The following LAMA1 variants were observed in gnomAD, a reference collection of about 807,000 sequenced individuals.
The protein encoded by LAMA1 is laminin subunit alpha 1, also known as laminin subunit alpha-1.
In LAMA1, 219 loss-of-function variants were observed where a neutral mutation model predicts 348.7. The observed-to-expected ratio is 0.63, with a 90% CI of 0.56 to 0.70. The LOEUF (loss-of-function observed/expected upper bound fraction) is 0.70, where lower values mean the gene tolerates loss of function less well. Ranked by LOEUF, LAMA1 falls within the 30% of genes least tolerant of loss-of-function variation. The probability of loss-of-function intolerance (pLI) is 0.00; values close to 1 mark genes in which losing one functional copy is unlikely to be tolerated. For missense variants in LAMA1, 3,744 were observed against 3,888.0 expected (o/e 0.96, Z 0.99); for synonymous variants, 1,487 against 1,491.0 (o/e 1.00, Z 0.06).
chr18:7,006,860 T>C (rs2057834348), intron 29 of LAMA1, among the ~76,000 whole-genome samples: 1 of 152,212 alleles, frequency 6.6e-6, no homozygotes, highest in African/African-American at 2.4e-5. Context: ...TGTGATCTGT[T>C]GTTGATGAAA....
rs2143999657 is a variant in LAMA1 at position 6,958,536 on chromosome 18, T to C, written c.7905A>G (p.Ser2635=). ...GGAACGATCTTCTCATTGTGAGCAG[T>C]GACGTCCCCTCTCCCTCTGGAATTC... ...VGGIPEGEGT[S]LLTMRRSFHG... is the part of the protein sequence containing the mutation. The change falls in exon 55 of 63, where the codon TCA becomes TCG. Residue 2635 remains serine, a synonymous_variant. Coordinates refer to ENST00000389658, the MANE Select transcript of LAMA1 (RefSeq NM_005559.4). 6.2e-7 allele frequency: 1 copy of C among 1,614,200 alleles called. No individual in the cohort carries two copies. Among genetic ancestry groups the C allele is most frequent in the Non-Finnish European group, 8.5e-7 (1 of 1,180,036 alleles).
At chr18:6,966,782 C>T (rs544952786) in intron 48 of LAMA1, among the ~76,000 whole-genome samples, 1 of 152,322 alleles carries the variant, frequency 6.6e-6, no homozygotes, top group East Asian at 1.9e-4. Flanking sequence ...TCATCACTGA[C>T]ATCCTCAAAA....
At chr18:7,015,576 G>C (rs2057883307) in intron 22 of LAMA1, 146 bp downstream of exon 22, 1 of 986,308 alleles carries the variant, frequency 1.0e-6, no homozygotes, top group South Asian at 1.5e-5. Flanking sequence ...CACTGTGCCT[G>C]GCCCACATTG....
chr18:7,113,134 T>C (rs1254758099), intron 1 of LAMA1, among the ~76,000 whole-genome samples: 1 of 152,048 alleles, frequency 6.6e-6, no homozygotes, highest in Non-Finnish European at 1.5e-5. Flanking sequence ...GGCAAGACAA[T>C]AGCATTGAGC....
Position 7,050,772 on chromosome 18 carries a change from C to A in LAMA1, c.510G>T (p.Gly170=), listed in dbSNP as rs151175087. 2.5e-6 allele frequency: 4 copies of A among 1,613,976 alleles called. No individual in the cohort carries two copies. In the African/African-American group the frequency reaches 5.3e-5, roughly 22 times the overall value. The change falls in exon 4 of 63, where the codon GGG becomes GGT. Residue 170 remains glycine, a synonymous_variant. Transcript: ENST00000389658. ...LSRYNITPRR[G]PPTYRADDEV... is the part of the protein sequence containing the mutation. Reference sequence around the variant, plus strand: ...CATCATCAGCCCTGTAGGTGGGTGGCCCTCGTCTTGGAGTTATATTGTAAC... The same window carrying A: ...CATCATCAGCCCTGTAGGTGGGTGGACCTCGTCTTGGAGTTATATTGTAAC...
In LAMA1 at chr18:7,011,406, AC is replaced by A; in HGVS notation, c.3580del (p.Val1194PhefsTer44). 10 of 1,609,818 alleles carry A rather than the reference AC, an allele frequency of 6.2e-6. No individual in the cohort carries two copies. Among genetic ancestry groups the A allele is most frequent in the Non-Finnish European group, 8.5e-6 (10 of 1,178,374 alleles). On this transcript the variant is annotated frameshift_variant, in exon 25 of 63. Transcript: ENST00000389658. LOFTEE classifies it high-confidence loss of function. Reference protein sequence around the residue: ...QSNLRGTTEGVYYQAPDFLLD... With the variant: ...QSNLRGTTEGXYYQAPDFLLD... ...CAGGAAGTCGGGGGCCTGGTAGTAA[AC>A]CCCCTCGGTCGTGCCCCTCAAGTTA... is the stretch of plus-strand genomic sequence containing the variant.
chr18:7,023,773 C>T (rs529841669), intron 18 of LAMA1, among the ~76,000 whole-genome samples: 3 of 152,140 alleles, frequency 2.0e-5, no homozygotes, highest in Non-Finnish European at 4.4e-5. Context: ...CAGAACAGCC[C>T]GGAGCAATGG....
At chr18:7,056,316 A>G (rs1055082370) in intron 3 of LAMA1, among the ~76,000 whole-genome samples, 1 of 152,162 alleles carries the variant, frequency 6.6e-6, no homozygotes, top group Non-Finnish European at 1.5e-5. Flanking sequence ...GGGGAGGGAG[A>G]GAAGGCAAGG....
intron 3 of LAMA1, among the ~76,000 whole-genome samples, chr18:7,078,458 A>C (rs927951549): frequency 6.6e-6 from 1 of 151,598 alleles, no homozygotes; most frequent in African/African-American, 2.4e-5. Flanking sequence ...GAGCCACCGC[A>C]CCTGGCTCTT....
rs771427704 is a variant in LAMA1, at chr18:6,965,276, C to G, written c.7195+12G>C. ...GGTGACCGACATCTGGTGAGTCCAT[C>G]TGTGTCCCTACCTTGCTTCCGGTTT... is the stretch of plus-strand genomic sequence containing the variant. On this transcript the variant is annotated intron_variant, in intron 50 of 62. Transcript: ENST00000389658. 1.2e-6 allele frequency: 2 copies of G among 1,614,178 alleles called. No homozygotes were observed. The highest frequency in any genetic ancestry group is 1.7e-6 in the Non-Finnish European group (2 of 1,180,004).
At chr18:6,963,705 A>C (rs2057619371) in intron 51 of LAMA1, among the ~76,000 whole-genome samples, 1 of 152,040 alleles carries the variant, frequency 6.6e-6, no homozygotes, top group African/African-American at 2.4e-5. Context: ...TAATGACCCC[A>C]CTCCCTGCAA....
intron 44 of LAMA1, 74 bp from the exon 45 acceptor site, chr18:6,976,154 C>T: frequency 6.8e-7 from 1 of 1,464,034 alleles, no homozygotes; most frequent in Non-Finnish European, 9.6e-7. Flanking sequence ...CTCAACAATG[C>T]TATTCTGTAA....
At chr18:7,050,984 A>G in intron 3 of LAMA1, 48 bp from the exon 4 acceptor site, 4 of 1,608,566 alleles carry the variant, frequency 2.5e-6, no homozygotes, top group Non-Finnish European at 3.4e-6. Context: ...AATACAAGCC[A>G]GGCACAGAAT....
In LAMA1 at chr18:7,050,716, A is replaced by T. The variant is rs2144202190; in HGVS notation, c.566T>A (p.Leu189Ter). The T allele has an allele frequency of 6.2e-7, 1 of 1,614,028 alleles. No individual in the cohort carries two copies. The highest frequency in any genetic ancestry group is 1.1e-5 in the South Asian group (1 of 91,072). Residue 189 changes from leucine to a stop codon, truncating the protein, a stop_gained, in exon 4 of 63, where the codon TTG (leucine) becomes TAG (stop). Transcript: ENST00000389658. LOFTEE classifies it high-confidence loss of function. Reference sequence around the variant, plus strand: ...TACCTCTCCATGCTCAAGTGGCACCAATCTGGAATAATAGGAGGTGCAGAT... The same window carrying T: ...TACCTCTCCATGCTCAAGTGGCACCTATCTGGAATAATAGGAGGTGCAGAT... ...EVICTSYYSR[L>*]VPLEHGEIHT... is the part of the protein sequence containing the mutation.
At chr18:6,974,061 G>C (rs2057670498) in intron 46 of LAMA1, among the ~76,000 whole-genome samples, 1 of 152,116 alleles carries the variant, frequency 6.6e-6, no homozygotes, top group African/African-American at 2.4e-5. Context: ...GGGATTACAG[G>C]AGTGAGCCAC....
At chr18:7,084,053 A>G (rs1181641398) in intron 1 of LAMA1, among the ~76,000 whole-genome samples, 1 of 137,456 alleles carries the variant, frequency 7.3e-6, no homozygotes, top group African/African-American at 2.8e-5. Context: ...AGCCTGGGCA[A>G]CAGAGTGAGA....
chr18:6,945,455 C>T (rs1026120385), intron 61 of LAMA1, among the ~76,000 whole-genome samples: 2 of 152,154 alleles, frequency 1.3e-5, no homozygotes, highest in African/African-American at 4.8e-5. Context: ...ATACCAGAAA[C>T]AACCGGTAAG....
rs58813825 is a variant in LAMA1 at position 7,115,814 on chromosome 18, C to CAAAACAAAAAAAAA, written c.61+1845_61+1846insTTTTTTTTTGTTTT. 7.0e-4 allele frequency among the ~76,000 whole-genome samples: 66 copies of CAAAACAAAAAAAAA among 94,778 alleles called. 2 individuals are homozygous for CAAAACAAAAAAAAA. The highest frequency in any genetic ancestry group is 8.2e-4 in the Non-Finnish European group (38 of 46,574). The allele number at this position is 94,778 out of a possible 152,430, so 62.2% of individuals were successfully genotyped here. On this transcript the variant is annotated intron_variant, in intron 1 of 62. Coordinates refer to ENST00000389658, the MANE Select transcript of LAMA1 (RefSeq NM_005559.4). ...TGAAACCCTGTCTCCACTAAAAATACAAAAAAAAAAAAAAAAAAATAGCCG... is the reference window on the plus strand; with the variant it reads ...TGAAACCCTGTCTCCACTAAAAATACAAAACAAAAAAAAAAAAAAAAAAAAAAAAAAAATAGCCG...
chr18:7,098,004 C>T (rs1346042495), intron 1 of LAMA1, among the ~76,000 whole-genome samples: 9 of 149,424 alleles, frequency 6.0e-5, no homozygotes, highest in African/African-American at 1.7e-4. Context: ...CGATTGCAGG[C>T]TCGCGCCGCC....
Sources: allele counts gnomAD v4.1 joint callset (sites outside exome capture counted in the v4.1 genomes callset), GRCh38; gene constraint gnomAD v4.1.1; transcripts MANE v1.5; gene names NCBI Gene and HGNC (gene_info 2026-07-23, HGNC 2026-07-21).